The following GPALPP1 variants were observed in gnomAD, a reference collection of about 807,000 sequenced individuals.
GPALPP1 encodes GPALPP motifs-containing protein 1.
GPALPP1 carries 30 observed loss-of-function variants against 38.9 expected under a neutral mutation model. The observed-to-expected ratio is 0.77, with a 90% CI of 0.58 to 1.05. The LOEUF (loss-of-function observed/expected upper bound fraction) is 1.05, where lower values mean the gene tolerates loss of function less well. GPALPP1 is among the 50% of genes least tolerant of loss of function. The pLI is 0.00. For missense variants in GPALPP1, 384 were observed against 408.8 expected, an observed-to-expected ratio of 0.94 and a Z score of 0.52; for synonymous variants, 120 against 139.2, an observed-to-expected ratio of 0.86 and a Z score of 0.97.
chr13:44,993,514 A>C (rs778047785), intron 1 of GPALPP1, among the ~76,000 whole-genome samples: 1 of 152,036 alleles, frequency 6.6e-6, no homozygotes, highest in Non-Finnish European at 1.5e-5. Context: ...GATTACCCAG[A>C]GATCTTGTTA....
At chr13:44,998,835 T>G (rs1337189789) in intron 1 of GPALPP1, among the ~76,000 whole-genome samples, 1 of 152,192 alleles carries the variant, frequency 6.6e-6, no homozygotes, top group African/African-American at 2.4e-5. Context: ...CTGCAGGTTC[T>G]GAGTCTTCAG....
At position 45,008,786 on chromosome 13, in the gene GPALPP1, AT is replaced by A; in HGVS notation, c.324-4del. ...AGGGAGAATGATAAAAGTACATTTT[AT>A]TTTTCAGGCCCATAATAGGTCCTGC... On this transcript the variant is annotated splice_polypyrimidine_tract_variant and splice_region_variant and intron_variant, in intron 3 of 7. Transcript: ENST00000379151. The A allele has an allele frequency of 6.9e-7, 1 of 1,457,616 alleles. No homozygotes were observed. Among genetic ancestry groups the A allele is most frequent in the Non-Finnish European group, 9.6e-7 (1 of 1,042,130 alleles). 90.3% of individuals were successfully genotyped at this position (1,457,616 alleles called of 1,614,324 possible).
At chr13:44,999,712 T>C (rs377230496) in intron 1 of GPALPP1, among the ~76,000 whole-genome samples, 16 of 152,266 alleles carry the variant, frequency 1.1e-4, no homozygotes, top group African/African-American at 3.6e-4. Flanking sequence ...CCTGAGTAGC[T>C]GGGACTACAA....
At chr13:45,018,946 T>TATATATAC (rs1165241036) in intron 6 of GPALPP1, among the ~76,000 whole-genome samples, 5 of 118,440 alleles carry the variant, frequency 4.2e-5, no homozygotes, top group African/African-American at 1.2e-4. Context: ...TACATATAAA[T>TATATATAC]ATATATACAT....
chr13:45,005,155 G>A, intron 2 of GPALPP1: 1 of 119,594 alleles, frequency 8.4e-6, no homozygotes, highest in African/African-American at 3.1e-5. Flanking sequence ...CTGGAATCCG[G>A]TGGCACGATC....
chr13:45,010,174 T>C (rs2137980217), intron 4 of GPALPP1, among the ~76,000 whole-genome samples: 1 of 152,328 alleles, frequency 6.6e-6, no homozygotes, highest in Middle Eastern at 3.4e-3. Flanking sequence ...TTGCTGTTCC[T>C]CCTCAAATAC....
At chr13:45,011,327 A>G (rs942500692) in intron 4 of GPALPP1, among the ~76,000 whole-genome samples, 7 of 152,182 alleles carry the variant, frequency 4.6e-5, no homozygotes. Flanking sequence ...GGGTTGTTAT[A>G]AGGATTAAAT....
chr13:45,036,346 T>C (rs1876398147), exon 8 of GPALPP1: 1 of 152,244 alleles, frequency 6.6e-6, no homozygotes, highest in Non-Finnish European at 1.5e-5. Context: ...AGTCAGATTG[T>C]AGTTCCTTGT....
chr13:45,015,353 C>G, intron 5 of GPALPP1, 79 bp from the exon 6 acceptor site: 1 of 816,972 alleles, frequency 1.2e-6, no homozygotes, highest in Non-Finnish European at 1.9e-6. Context: ...TTGCATGACA[C>G]AGTTGCTTGT....
In GPALPP1 at chr13:45,006,229, CGATGAT is replaced by C. The variant is rs764252971; in HGVS notation, c.260_265del (p.Asp87_Asp88del). The C allele has an allele frequency of 1.0e-5, 16 of 1,607,180 alleles. No individual in the cohort carries two copies. Among genetic ancestry groups the C allele is most frequent in the African/African-American group, 1.3e-5 (1 of 74,772 alleles). The stretch of plus-strand genomic sequence containing the variant: ...AACAGAGGAAAAATCAGGATGATGA[CGATGAT>C]GATGATGATGGGTTTTTTGGACCAG... On this transcript the variant is annotated inframe_deletion, in exon 3 of 8. Transcript: ENST00000379151.
chr13:44,996,801 TTTTTTTTTC>T (rs1316134272), intron 1 of GPALPP1, among the ~76,000 whole-genome samples: 5 of 146,798 alleles, frequency 3.4e-5, no homozygotes, highest in East Asian at 2.0e-4. Context: ...TTTTTTTTTT[TTTTTTTTTC>T]CAGTTTTTAA....
chr13:45,000,466 C>T (rs565486952), intron 1 of GPALPP1, among the ~76,000 whole-genome samples: 10 of 151,908 alleles, frequency 6.6e-5, no homozygotes, highest in African/African-American at 1.7e-4. Flanking sequence ...TATGTGTGTA[C>T]GTTATAATAC....
chr13:45,005,747 A>C (rs1874041163), intron 2 of GPALPP1, among the ~76,000 whole-genome samples: 2 of 152,224 alleles, frequency 1.3e-5, no homozygotes, highest in African/African-American at 4.8e-5. Flanking sequence ...GTCGTAGGCC[A>C]GGTGCAGTGG....
Position 45,029,258 on chromosome 13 carries a change from GAAGAA to G in GPALPP1, c.*1259_*1263del, listed in dbSNP as rs1206845920. 3.9e-5 allele frequency: 6 copies of G among 152,128 alleles called. No individual in the cohort carries two copies. The highest frequency in any genetic ancestry group is 1.4e-4 in the African/African-American group (6 of 41,424). 9.4% of individuals were successfully genotyped at this position (152,128 alleles called of 1,614,324 possible). A position where few individuals can be genotyped will look rare whatever the true frequency, so the allele number is the denominator to read the frequency against. On this transcript the variant is annotated 3_prime_UTR_variant, in exon 8 of 8. Coordinates refer to ENST00000379151, the MANE Select transcript of GPALPP1 (RefSeq NM_018559.5). ...CCTCAGGGGGATTTCCCTGTGCAATGAAGAAAAGTTGAAGAATACTCTTTGTCCAT... is the reference window on the plus strand; with the variant it reads ...CCTCAGGGGGATTTCCCTGTGCAATGAAGTTGAAGAATACTCTTTGTCCAT...
chr13:45,019,472 G>C (rs1014489612), intron 6 of GPALPP1, among the ~76,000 whole-genome samples: 2 of 151,950 alleles, frequency 1.3e-5, no homozygotes, highest in Admixed American at 1.3e-4. Context: ...TTTGTATATT[G>C]ATCTTGTATC....
intron 4 of GPALPP1, among the ~76,000 whole-genome samples, chr13:45,010,988 GA>G (rs1419421711): frequency 6.8e-6 from 1 of 148,134 alleles, no homozygotes; most frequent in East Asian, 1.9e-4. Flanking sequence ...GTCTCAAAAA[GA>G]AAAAAGAAAA....
intron 1 of GPALPP1, among the ~76,000 whole-genome samples, chr13:45,003,986 A>G (rs899951413): frequency 1.5e-4 from 23 of 151,050 alleles, no homozygotes; most frequent in African/African-American, 5.6e-4. Flanking sequence ...TGGCAGGTGC[A>G]CCAACCAATG....
exon 8 of GPALPP1, chr13:45,036,478 C>G (rs1876400990): frequency 6.6e-6 from 1 of 152,150 alleles, no homozygotes; most frequent in South Asian, 2.1e-4. Context: ...ATGGTCTCTA[C>G]CTTATGACTA....
intron 1 of GPALPP1, among the ~76,000 whole-genome samples, chr13:44,996,682 C>T (rs887081785): frequency 6.6e-6 from 1 of 151,404 alleles, no homozygotes; most frequent in East Asian, 1.9e-4. Flanking sequence ...GGGGTTTCAC[C>T]ATGTTGGCCA....
Sources: gnomAD v4.1 joint callset for allele counts (sites outside exome capture counted in the v4.1 genomes callset) on GRCh38, gnomAD v4.1.1 for gene constraint, MANE v1.5 for transcripts, NCBI Gene and HGNC (gene_info 2026-07-23, HGNC 2026-07-21) for gene names.